PUM1: variants seen among roughly 807,000 people sequenced by gnomAD.
The protein encoded by PUM1 is pumilio RNA binding family member 1, also known as pumilio homolog 1.
Under a neutral mutation model 131.8 loss-of-function variants are expected in PUM1, and 13 were observed. That is an observed-to-expected ratio of 0.10 (90% CI 0.06 to 0.16). The LOEUF (loss-of-function observed/expected upper bound fraction) is 0.16. PUM1 is among the 10% of genes least tolerant of loss of function. The probability of loss-of-function intolerance (pLI) is 1.00; values close to 1 mark genes in which losing one functional copy is unlikely to be tolerated. For missense variants in PUM1, 961 were observed against 1,512.4 expected (o/e 0.64, Z 6.05); for synonymous variants, 509 against 556.5 (o/e 0.91, Z 1.20).
intron 9 of PUM1, among the ~76,000 whole-genome samples, chr1:30,975,481 C>T (rs1296068841): frequency 1.3e-5 from 2 of 151,024 alleles, no homozygotes; most frequent in East Asian, 3.9e-4. Flanking sequence ...CTCCCTAATA[C>T]CTGGGATTAC....
chr1:30,992,279 T>C (rs539307634), intron 7 of PUM1, 111 bp downstream of exon 7: 11 of 1,399,696 alleles, frequency 7.9e-6, no homozygotes, highest in African/African-American at 5.7e-5. Context: ...GGGCTAGCTA[T>C]GGATAGCCTG....
intron 2 of PUM1, among the ~76,000 whole-genome samples, chr1:31,051,613 ATT>A (rs10555480): frequency 0.29 from 43,265 of 149,958 alleles, 8,031 homozygotes; most frequent in East Asian, 0.53. Flanking sequence ...TCACCCACTG[ATT>A]TTTTTTTTTT....
At chr1:30,940,793 A>G (rs904948867) in intron 20 of PUM1, among the ~76,000 whole-genome samples, 5 of 152,214 alleles carry the variant, frequency 3.3e-5, no homozygotes, top group African/African-American at 1.2e-4. Flanking sequence ...AGGCCTATAT[A>G]TAGATATGCA....
chr1:31,003,145 G>A (rs1570249440), intron 5 of PUM1, among the ~76,000 whole-genome samples: 1 of 152,118 alleles, frequency 6.6e-6, no homozygotes, highest in African/African-American at 2.4e-5. Context: ...AATTAATGTT[G>A]ATACAGCTAC....
chr1:30,968,909 A>G (rs1000038907), intron 10 of PUM1, among the ~76,000 whole-genome samples: 1 of 152,202 alleles, frequency 6.6e-6, no homozygotes, highest in Non-Finnish European at 1.5e-5. Context: ...AGACCGACAA[A>G]GCCCCTGTCC....
intron 8 of PUM1, 105 bp from the exon 9 acceptor site, chr1:30,980,268 A>T: frequency 1.1e-6 from 1 of 903,096 alleles, no homozygotes; most frequent in Non-Finnish European, 1.8e-6. Context: ...GATAAGGAAA[A>T]AATGAAAAAA....
intron 6 of PUM1, among the ~76,000 whole-genome samples, chr1:30,993,547 C>T (rs1039403247): frequency 6.6e-6 from 1 of 152,022 alleles, no homozygotes; most frequent in Non-Finnish European, 1.5e-5. Flanking sequence ...CAACCCCCTA[C>T]CCCAAAAAAT....
chr1:31,014,062 G>A (rs1218028003), intron 3 of PUM1, among the ~76,000 whole-genome samples: 1 of 152,134 alleles, frequency 6.6e-6, no homozygotes, highest in African/African-American at 2.4e-5. Context: ...AGCACTTTGG[G>A]AGGTGAGGCA....
chr1:30,933,449 C>CACAT (rs553772512), intron 21 of PUM1, 107 bp from the exon 22 acceptor site: 2 of 668,132 alleles, frequency 3.0e-6, no homozygotes, highest in African/African-American at 3.9e-5. Flanking sequence ...TACACACACA[C>CACAT]ACACACACAC....
At position 30,950,126 on chromosome 1, in the gene PUM1, C is replaced by A. The variant is rs1212967500; in HGVS notation, c.2856+1G>T. On this transcript the variant is annotated splice_donor_variant, in intron 17 of 21. Coordinates refer to ENST00000426105, the MANE Select transcript of PUM1 (RefSeq NM_001020658.2). LOFTEE classifies it high-confidence loss of function. ...AGAGAAAAGTTAAAGGGGAAACTTA[C>A]AATTACCTGCTGGTCTGAAGGAATA... The A allele has an allele frequency of 1.2e-6, 2 of 1,611,296 alleles. No individual in the cohort carries two copies. The highest frequency in any genetic ancestry group is 1.7e-6 in the Non-Finnish European group (2 of 1,178,674).
chr1:30,932,472 G>C lies in PUM1; in HGVS notation c.*739C>G, dbSNP rs1284126234. ...TTAATAGAAAAAAATCCAGTAGGCA[G>C]TAAACAATCACACCCGCCCAGCCTC... On this transcript the variant is annotated 3_prime_UTR_variant, in exon 22 of 22. Transcript: ENST00000426105. 1 of 151,756 alleles carries C rather than the reference G, an allele frequency of 6.6e-6. No individual in the cohort carries two copies. Among genetic ancestry groups the C allele is most frequent in the Non-Finnish European group, 1.5e-5 (1 of 67,950 alleles). The allele number at this position is 151,756 out of a possible 1,614,324, so 9.4% of individuals were successfully genotyped here.
chr1:30,950,014 G>T, intron 17 of PUM1, 113 bp downstream of exon 17: 2 of 1,245,838 alleles, frequency 1.6e-6, no homozygotes, highest in Non-Finnish European at 2.2e-6. Flanking sequence ...GCAGCCATAA[G>T]CAACAATGCA....
intron 3 of PUM1, among the ~76,000 whole-genome samples, chr1:31,022,760 C>T (rs760171072): frequency 5.3e-5 from 8 of 152,118 alleles, no homozygotes; most frequent in South Asian, 2.1e-4. Context: ...GACCACTTGG[C>T]GTGGTTAGCT....
At chr1:31,045,974 C>T (rs1358021237) in intron 2 of PUM1, among the ~76,000 whole-genome samples, 5 of 152,026 alleles carry the variant, frequency 3.3e-5, no homozygotes, top group Admixed American at 1.3e-4. Context: ...CCCGGCTACT[C>T]GGGAGCCTGA....
intron 3 of PUM1, among the ~76,000 whole-genome samples, chr1:31,025,062 G>A (rs1643172130): frequency 6.6e-6 from 1 of 152,190 alleles, no homozygotes; most frequent in Non-Finnish European, 1.5e-5. Context: ...TAAATAATTT[G>A]TGGCCTTGAT....
At chr1:30,938,751 G>C (rs1013463724) in intron 20 of PUM1, among the ~76,000 whole-genome samples, 1 of 152,114 alleles carries the variant, frequency 6.6e-6, no homozygotes, top group Non-Finnish European at 1.5e-5. Context: ...TGTAGTCCCA[G>C]CTACTCGGGA....
intron 1 of PUM1, among the ~76,000 whole-genome samples, chr1:31,060,127 C>G (rs555204472): frequency 6.8e-6 from 1 of 147,844 alleles, no homozygotes; most frequent in Admixed American, 6.7e-5. Context: ...GGATTACAGG[C>G]GTGAGCCACC....
At chr1:31,014,909 C>T (rs1460377198) in intron 3 of PUM1, among the ~76,000 whole-genome samples, 1 of 152,098 alleles carries the variant, frequency 6.6e-6, no homozygotes, top group African/African-American at 2.4e-5. Context: ...AGAAGGATCA[C>T]TTGAGGCCAG....
chr1:30,998,799 T>C (rs116202946), intron 5 of PUM1, among the ~76,000 whole-genome samples: 32 of 152,312 alleles, frequency 2.1e-4, no homozygotes, highest in Non-Finnish European at 4.0e-4. Context: ...CACTCCAGTC[T>C]GGGGACAAAG....
Sources: gnomAD v4.1 joint callset for allele counts (sites outside exome capture counted in the v4.1 genomes callset) on GRCh38, gnomAD v4.1.1 for gene constraint, MANE v1.5 for transcripts, NCBI Gene and HGNC (gene_info 2026-07-23, HGNC 2026-07-21) for gene names.